Variants in PHLDB2 observed in about 807,000 individuals in gnomAD.
PHLDB2 encodes pleckstrin homology-like domain family B member 2.
In PHLDB2, 71 loss-of-function variants were observed where a neutral mutation model predicts 123.6. The ratio of observed to expected loss-of-function variants is 0.57; its 90% confidence interval spans 0.47 to 0.70. The LOEUF is 0.70. PHLDB2 is among the 30% of genes least tolerant of loss of function. The pLI is 0.00. For synonymous variants in PHLDB2, 547 were observed against 541.6 expected (o/e 1.01, Z -0.14); for missense variants, 1,446 against 1,519.5 (o/e 0.95, Z 0.80).
At chr3:111,767,302 C>T (rs962076445) in intron 1 of PHLDB2, among the ~76,000 whole-genome samples, 11 of 152,172 alleles carry the variant, frequency 7.2e-5, no homozygotes, top group African/African-American at 2.4e-4. Context: ...CTGTATTCAA[C>T]TTTGGCTCCT....
intron 3 of PHLDB2, chr3:111,917,283 A>G (rs1156616157): frequency 2.0e-5 from 3 of 152,254 alleles, no homozygotes; most frequent in Non-Finnish European, 2.9e-5. Context: ...AATTATGCAG[A>G]TGATTCCCAC....
chr3:111,954,005 T>A lies in PHLDB2; in HGVS notation c.2848T>A (p.Ser950Thr). ...PPSLAAMAKD[S>T]ESRRMLRGYN... ...CTCACTGGCAGCCATGGCCAAAGAC[T>A]CAGAATCTCGGAGGATGCTCAGAGG... The change falls in exon 12 of 18, where the codon TCA becomes ACA. Residue 950 changes from serine to threonine, a missense_variant. This residue lies in a region of PHLDB2 where 594 missense variants were observed against 646.0 expected (regional missense o/e 0.92). Coordinates refer to ENST00000431670, the MANE Select transcript of PHLDB2 (RefSeq NM_001134438.2). The A allele has an allele frequency of 6.2e-7, 1 of 1,613,564 alleles. No individual in the cohort carries two copies. Among genetic ancestry groups the A allele is most frequent in the South Asian group, 1.1e-5 (1 of 91,056 alleles).
chr3:111,916,158 A>G (rs1164383557), intron 3 of PHLDB2: 1 of 152,176 alleles, frequency 6.6e-6, no homozygotes, highest in Non-Finnish European at 1.5e-5. Flanking sequence ...TTAATTGCTC[A>G]AGCGTGTAAT....
chr3:111,871,876 A>T (rs927850703), intron 1 of PHLDB2, among the ~76,000 whole-genome samples: 1 of 152,226 alleles, frequency 6.6e-6, no homozygotes, highest in East Asian at 1.9e-4. Context: ...GAATCTCCCA[A>T]AGAACTTTTA....
chr3:111,886,055 C>T (rs979451062), intron 2 of PHLDB2, among the ~76,000 whole-genome samples: 15 of 152,112 alleles, frequency 9.9e-5, no homozygotes, highest in East Asian at 1.9e-4. Flanking sequence ...GAAAATAAGA[C>T]GGGGAAACAT....
chr3:111,945,071 C>A (rs929451772), intron 8 of PHLDB2, among the ~76,000 whole-genome samples, 197 bp from the exon 9 acceptor site: 1 of 152,130 alleles, frequency 6.6e-6, no homozygotes, highest in African/African-American at 2.4e-5. Context: ...TGTTTGGAAA[C>A]AACTCATGCA....
chr3:111,825,815 ATCT>A (rs2062627717), intron 1 of PHLDB2, among the ~76,000 whole-genome samples: 1 of 152,118 alleles, frequency 6.6e-6, no homozygotes, highest in Admixed American at 6.6e-5. Flanking sequence ...TTTAATTTGA[ATCT>A]TCTTAATTTT....
chr3:111,824,639 G>T lies in PHLDB2; in HGVS notation c.-48-21182G>T, dbSNP rs541401714. ...TTGCAGCTGGCAGCTGTGGGAAACT[G>T]TCCTCAGAATGAAGCCTGTGTTCAG... On this transcript the variant is annotated intron_variant, in intron 1 of 17. Transcript: ENST00000393923. Among the ~76,000 whole-genome samples, 5 of 152,270 alleles carry T rather than the reference G, an allele frequency of 3.3e-5. No homozygotes were observed. In the South Asian group the frequency reaches 6.2e-4, roughly 19 times the overall value.
At chr3:111,883,963 A>T in intron 1 of PHLDB2, 101 bp from the exon 2 acceptor site, 2 of 1,099,450 alleles carry the variant, frequency 1.8e-6, no homozygotes, top group Non-Finnish European at 2.6e-6. Flanking sequence ...TAGTTGCATT[A>T]GGTCAGACTG....
intron 1 of PHLDB2, among the ~76,000 whole-genome samples, chr3:111,837,252 G>A (rs2063457656): frequency 6.6e-6 from 1 of 152,176 alleles, no homozygotes; most frequent in Admixed American, 6.5e-5. Flanking sequence ...GTTTAGGAAT[G>A]AACAGAGGAA....
At chr3:111,754,807 T>C (rs1484101280) in intron 1 of PHLDB2, among the ~76,000 whole-genome samples, 2 of 147,462 alleles carry the variant, frequency 1.4e-5, no homozygotes, top group Admixed American at 6.8e-5. Context: ...TAGCTCTTAT[T>C]ATTTTGAGAT....
intron 6 of PHLDB2, 97 bp from the exon 7 acceptor site, chr3:111,939,378 G>A: frequency 8.0e-7 from 1 of 1,256,776 alleles, no homozygotes; most frequent in Non-Finnish European, 1.1e-6. Context: ...TAACTGGAAA[G>A]ATATCTTGGA....
chr3:111,923,742 T>C (rs562586735), intron 5 of PHLDB2, among the ~76,000 whole-genome samples: 7 of 152,310 alleles, frequency 4.6e-5, no homozygotes, highest in East Asian at 1.9e-4. Context: ...ACGTCTTTCC[T>C]TATCATCCCT....
At chr3:111,953,714 G>C (rs2070853362) in intron 11 of PHLDB2, 1 of 437,240 alleles carries the variant, frequency 2.3e-6, no homozygotes, top group Non-Finnish European at 4.1e-6. Flanking sequence ...AATTGCTGCT[G>C]TTGGAGGAAG....
At chr3:111,817,317 C>T (rs2062129110) in intron 1 of PHLDB2, among the ~76,000 whole-genome samples, 1 of 152,100 alleles carries the variant, frequency 6.6e-6, no homozygotes, top group Non-Finnish European at 1.5e-5. Flanking sequence ...AAACAGTATC[C>T]AAACCACAGC....
chr3:111,922,746 C>T (rs2068593459), intron 5 of PHLDB2, among the ~76,000 whole-genome samples: 1 of 152,168 alleles, frequency 6.6e-6, no homozygotes, highest in Non-Finnish European at 1.5e-5. Flanking sequence ...TTTATTCCAC[C>T]ATTTAATGAC....
chr3:111,805,805 T>A (rs1271334029), intron 1 of PHLDB2, among the ~76,000 whole-genome samples: 1 of 143,640 alleles, frequency 7.0e-6, no homozygotes, highest in Admixed American at 7.1e-5. Flanking sequence ...ATGATGGAAA[T>A]GTTTATATCT....
chr3:111,941,413 A>G (rs1267850288), intron 8 of PHLDB2, among the ~76,000 whole-genome samples: 1 of 152,226 alleles, frequency 6.6e-6, no homozygotes, highest in African/African-American at 2.4e-5. Context: ...CATGCAGAGA[A>G]AGACCAAATC....
intron 1 of PHLDB2, among the ~76,000 whole-genome samples, chr3:111,878,857 T>C (rs2065792822): frequency 6.6e-6 from 1 of 152,238 alleles, no homozygotes. Flanking sequence ...ATTACATTTA[T>C]TGATTTGCAT....
Sources: gnomAD v4.1 joint callset for allele counts (sites outside exome capture counted in the v4.1 genomes callset) on GRCh38, gnomAD v4.1.1 for gene constraint, gnomAD v4.1.1 regional missense constraint, MANE v1.5 for transcripts, NCBI Gene and HGNC (gene_info 2026-07-23, HGNC 2026-07-21) for gene names.